Variants in PC observed in about 807,000 individuals in gnomAD.
PC encodes the protein pyruvate carboxylase.
In PC, 46 loss-of-function variants were observed where a neutral mutation model predicts 107.8. The ratio of observed to expected loss-of-function variants is 0.43; its 90% CI spans 0.34 to 0.55. The LOEUF is 0.55. Ranked by LOEUF, PC falls within the 20% of genes least tolerant of loss-of-function variation. PC has a pLI of 0.04. For missense variants in PC, 1,241 were observed against 1,643.1 expected, an observed-to-expected ratio of 0.76 and a Z score of 4.23; for synonymous variants, 662 against 684.7, an observed-to-expected ratio of 0.97 and a Z score of 0.52.
chr11:66,853,843 T>C (rs1318878440), intron 12 of PC, among the ~76,000 whole-genome samples: 1 of 152,218 alleles, frequency 6.6e-6, no homozygotes. Context: ...CAAGCCATCT[T>C]GCTCTCCTGT....
rs1481614540 is a variant in PC, at chr11:66,860,154, G to T, written c.1368+3620C>A. The T allele has an allele frequency of 2.6e-6, 4 of 1,548,792 alleles. No homozygotes were observed. In the South Asian group the frequency reaches 4.8e-5, roughly 18 times the overall value. On this transcript the variant is annotated intron_variant, in intron 12 of 22. Coordinates refer to ENST00000393960, the MANE Select transcript of PC (RefSeq NM_001040716.2). ...GCTGCTCGGGGCAGGGTGCCGGGGG[G>T]TAGGAGGCAGCGCCGAGCGGCTGGA...
chr11:66,957,255 A>G (rs1949584790), intron 1 of PC, among the ~76,000 whole-genome samples: 1 of 152,234 alleles, frequency 6.6e-6, no homozygotes, highest in African/African-American at 2.4e-5. Flanking sequence ...TACTTCTCTG[A>G]GCCTGTTTTC....
intron 3 of PC, among the ~76,000 whole-genome samples, chr11:66,877,268 C>T (rs1057125255): frequency 6.6e-6 from 1 of 152,196 alleles, no homozygotes; most frequent in Non-Finnish European, 1.5e-5. Context: ...CGCCTATAGT[C>T]CCAGCTACTC....
rs767122251 is a variant in PC, at chr11:66,870,494, C to T, written c.752-41G>A. 1.5e-5 allele frequency: 24 copies of T among 1,604,194 alleles called. No homozygotes were observed. Among genetic ancestry groups the T allele is most frequent in the African/African-American group, 2.7e-5 (2 of 74,796 alleles). On this transcript the variant is annotated intron_variant, in intron 8 of 22. Coordinates refer to ENST00000393960, the MANE Select transcript of PC (RefSeq NM_001040716.2). The surrounding 1 kb of genome is among the most constrained non-coding windows in gnomAD (Gnocchi z 6.1). ...AACTGGGCTTAGCTTTTACTGGAAT[C>T]TACACGCCTCCTAAATGCCCCATCA...
chr11:66,851,240 G>T lies in PC; in HGVS notation c.2023C>A (p.Arg675Ser). ...VAKENGMDVF[R>S]VFDSLNYLPN... Reference sequence around the variant, plus strand: ...AAGTAGTTGAGGGAGTCAAACACACGGAAGACATCCATGCCATTCTCTTTG... The same window carrying T: ...AAGTAGTTGAGGGAGTCAAACACACTGAAGACATCCATGCCATTCTCTTTG... The change falls in exon 17 of 23, where the codon CGT (arginine) becomes AGT (serine). Residue 675 changes from arginine to serine, a missense_variant. Around this residue, in one of 2 missense-constraint regions of PC, gnomAD observed 1,143 missense variants for 1,551.9 expected, o/e 0.74. Transcript: ENST00000393960. 1 of 1,604,136 alleles carries T rather than the reference G, an allele frequency of 6.2e-7. No individual in the cohort carries two copies. Among genetic ancestry groups the T allele is most frequent in the Non-Finnish European group, 8.5e-7 (1 of 1,179,954 alleles).
At chr11:66,946,752 G>T (rs956090508) in intron 3 of PC, among the ~76,000 whole-genome samples, 11 of 152,116 alleles carry the variant, frequency 7.2e-5, no homozygotes, top group Non-Finnish European at 1.5e-5. Context: ...TCGCATCAGT[G>T]CAAGCCAGCC....
intron 3 of PC, among the ~76,000 whole-genome samples, chr11:66,891,507 C>A (rs959265733): frequency 1.3e-5 from 2 of 151,812 alleles, no homozygotes; most frequent in Admixed American, 6.6e-5. Context: ...GATTCTCCAG[C>A]CTCAGCCTCC....
rs778295655 is a variant in PC, at chr11:66,871,054, C to T, written c.631G>A (p.Glu211Lys). Reference protein sequence around the residue: ...GRGMRVVHSYEELEENYTRAY... With the variant: ...GRGMRVVHSYKELEENYTRAY... ...CAGCCCTGGGCATCTTCACTCACCT[C>T]GTAGCTGTGCACCACCCTCATGCCA... Residue 211 changes from glutamate (E) to lysine (K), a missense_variant and splice_region_variant, in exon 7 of 23, where the codon GAG becomes AAG. Physicochemically the swap from Glu to Lys is moderately conservative, Grantham distance 56. Transcript: ENST00000393960. This position sits in a 1 kb window ranked among gnomAD's most constrained non-coding sequence, Gnocchi z 7.4. 22 of 1,614,050 alleles carry T rather than the reference C, an allele frequency of 1.4e-5. No homozygotes were observed. Among genetic ancestry groups the T allele is most frequent in the Admixed American group, 1.7e-5 (1 of 60,024 alleles).
chr11:66,890,981 G>A (rs1373753419), intron 3 of PC, among the ~76,000 whole-genome samples: 1 of 152,010 alleles, frequency 6.6e-6, no homozygotes, highest in Non-Finnish European at 1.5e-5. Context: ...ACCCCATATA[G>A]AAAATGTGCA....
At chr11:66,910,206 G>C (rs1020226253) in intron 3 of PC, among the ~76,000 whole-genome samples, 1 of 152,098 alleles carries the variant, frequency 6.6e-6, no homozygotes, top group African/African-American at 2.4e-5. Flanking sequence ...TGTTAGTCCT[G>C]GGTGACAAAC....
Position 66,857,708 on chromosome 11 carries a change from T to G in PC, c.1369-4325A>C. ...TGGGCACCTGCGCCAGCCCCACCTG[T>G]GCCTGGGCTGTGGCCCCTTCCTACA... On this transcript the variant is annotated intron_variant, in intron 12 of 22. Coordinates refer to ENST00000393960, the MANE Select transcript of PC (RefSeq NM_001040716.2). The surrounding 1 kb of genome is among the most constrained non-coding windows in gnomAD (Gnocchi z 7.1). 1 of 1,562,924 alleles carries G rather than the reference T, an allele frequency of 6.4e-7. No homozygotes were observed. The highest frequency in any genetic ancestry group is 8.6e-7 in the Non-Finnish European group (1 of 1,159,830).
intron 1 of PC, among the ~76,000 whole-genome samples, chr11:66,954,682 C>T (rs1215707706): frequency 1.3e-5 from 2 of 152,160 alleles, no homozygotes; most frequent in East Asian, 3.9e-4. Flanking sequence ...CAGTGGCTCA[C>T]GCCTGTAATC....
intron 3 of PC, among the ~76,000 whole-genome samples, chr11:66,933,642 C>T (rs1160106915): frequency 6.6e-6 from 1 of 152,066 alleles, no homozygotes; most frequent in Admixed American, 6.6e-5. Context: ...CCACTTGGCC[C>T]CATGACAACT....
rs1946676566 is a variant in PC at position 66,870,404 on chromosome 11, G to T, written c.801C>A (p.Ile267=). The T allele has an allele frequency of 6.2e-7, 1 of 1,613,778 alleles. No homozygotes were observed. ...ILHLYERDCS[I]QRRHQKVVEI... ...CGACCACCTTCTGGTGCCGCCGCTGGATGGAGCAGTCTCGCTCGTACAGGT... is the reference window on the plus strand; with the variant it reads ...CGACCACCTTCTGGTGCCGCCGCTGTATGGAGCAGTCTCGCTCGTACAGGT... Residue 267 remains isoleucine (I), a synonymous_variant, in exon 9 of 23, where the codon ATC becomes ATA. Coordinates refer to ENST00000393960, the MANE Select transcript of PC (RefSeq NM_001040716.2). The surrounding 1 kb of genome is among the most constrained non-coding windows in gnomAD (Gnocchi z 6.1).
At chr11:66,925,158 A>C (rs966636972) in intron 3 of PC, among the ~76,000 whole-genome samples, 1 of 152,206 alleles carries the variant, frequency 6.6e-6, no homozygotes, top group Non-Finnish European at 1.5e-5. Flanking sequence ...GGTGAAATTA[A>C]AATTGCTAAT....
chr11:66,915,015 G>A (rs965635096), intron 3 of PC, among the ~76,000 whole-genome samples: 1 of 152,136 alleles, frequency 6.6e-6, no homozygotes, highest in Non-Finnish European at 1.5e-5. Context: ...CTGGGTGACA[G>A]AGCAAGACCC....
intron 3 of PC, among the ~76,000 whole-genome samples, chr11:66,929,469 C>A (rs1948793813): frequency 6.6e-6 from 1 of 152,092 alleles, no homozygotes; most frequent in Non-Finnish European, 1.5e-5. Context: ...CAGGTTCAAG[C>A]AATTCTCTTG....
intron 2 of PC, among the ~76,000 whole-genome samples, chr11:66,953,676 G>A (rs1418545925): frequency 6.6e-6 from 1 of 152,094 alleles, no homozygotes; most frequent in East Asian, 1.9e-4. Flanking sequence ...AATATTTATT[G>A]AGCACATGCC....
At chr11:66,849,186 C>T (rs764770524) in intron 22 of PC, 39 bp from the exon 23 acceptor site, 1 of 1,613,622 alleles carries the variant, frequency 6.2e-7, no homozygotes, top group African/African-American at 1.3e-5. Flanking sequence ...CATCCTGGGC[C>T]CAGCCAAGCC....
Sources: allele counts gnomAD v4.1 joint callset (sites outside exome capture counted in the v4.1 genomes callset), GRCh38; gene constraint gnomAD v4.1.1; regional missense constraint gnomAD v4.1.1; non-coding constraint Gnocchi (gnomAD v3.1); transcripts MANE v1.5; gene names NCBI Gene and HGNC (gene_info 2026-07-23, HGNC 2026-07-21).